Variants in DLC1 observed in about 807,000 individuals in gnomAD.
DLC1 encodes the protein rho GTPase-activating protein 7.
A neutral mutation model predicts 140.3 loss-of-function variants in DLC1; 54 were observed. The observed-to-expected ratio is 0.38, with a 90% CI of 0.31 to 0.48. The LOEUF is 0.48. Ranked by LOEUF, DLC1 falls within the 20% of genes least tolerant of loss-of-function variation. DLC1 has a pLI of 0.96. For missense variants in DLC1, 2,536 were observed against 1,907.0 expected (o/e 1.33, Z -6.14); for synonymous variants, 986 against 728.1 (o/e 1.35, Z -5.70).
chr8:13,413,496 A>G (rs570190344), intron 2 of DLC1, among the ~76,000 whole-genome samples: 206 of 107,164 alleles, frequency 1.9e-3, no homozygotes, highest in African/African-American at 5.8e-3. Context: ...GTGTGTGTGC[A>G]CACATATATA....
At chr8:13,181,950 C>A (rs567855124) in intron 5 of DLC1, among the ~76,000 whole-genome samples, 1 of 152,338 alleles carries the variant, frequency 6.6e-6, no homozygotes, top group South Asian at 2.1e-4. Context: ...TATACTCCCA[C>A]CAACAGTGTA....
intron 5 of DLC1, among the ~76,000 whole-genome samples, chr8:13,196,083 A>C (rs1471952664): frequency 1.5e-5 from 2 of 136,066 alleles, no homozygotes; most frequent in Non-Finnish European, 3.1e-5. Context: ...AATGCTCTAC[A>C]TTCTGTATTG....
At chr8:13,298,914 G>C (rs1204470589) in intron 5 of DLC1, among the ~76,000 whole-genome samples, 2 of 152,158 alleles carry the variant, frequency 1.3e-5, no homozygotes. Context: ...ATAATGCTTT[G>C]TTTTGCATGG....
chr8:13,545,901 G>A (rs993658129), intron 1 of DLC1, among the ~76,000 whole-genome samples: 2 of 152,008 alleles, frequency 1.3e-5, no homozygotes, highest in East Asian at 1.9e-4. Context: ...AGCCTATCAC[G>A]TTAAAAATTA....
intron 1 of DLC1, among the ~76,000 whole-genome samples, chr8:13,555,660 A>AT (rs551600787): frequency 0.034 from 4,833 of 140,322 alleles, 138 homozygotes; most frequent in African/African-American, 0.085. Flanking sequence ...CCTAGCTATT[A>AT]TTTTTTTTTT....
chr8:13,358,671 A>C (rs923239059), intron 4 of DLC1, among the ~76,000 whole-genome samples: 5 of 147,186 alleles, frequency 3.4e-5, no homozygotes, highest in Non-Finnish European at 7.5e-5. Context: ...AAAATATAAC[A>C]TTTCTGCTAA....
chr8:13,271,969 C>T (rs1182152383), intron 5 of DLC1, among the ~76,000 whole-genome samples: 1 of 152,210 alleles, frequency 6.6e-6, no homozygotes, highest in Non-Finnish European at 1.5e-5. Flanking sequence ...GCCACTGTAC[C>T]CAGGCTCTTA....
At chr8:13,394,318 A>G (rs747803801) in intron 3 of DLC1, among the ~76,000 whole-genome samples, 1 of 152,238 alleles carries the variant, frequency 6.6e-6, no homozygotes, top group African/African-American at 2.4e-5. Context: ...ATGGAGTTTC[A>G]TAAGCATAAA....
chr8:13,326,843 G>A (rs1356427933), intron 4 of DLC1, among the ~76,000 whole-genome samples: 1 of 152,228 alleles, frequency 6.6e-6, no homozygotes, highest in Non-Finnish European at 1.5e-5. Context: ...GAAGTACCGA[G>A]CTAGGAGAAC....
At position 13,396,895 on chromosome 8, in the gene DLC1, C is replaced by T. The variant is rs371938608; in HGVS notation, c.1174-3202G>A. Among the ~76,000 whole-genome samples, 8 of 152,092 alleles carry T rather than the reference C, an allele frequency of 5.3e-5. No homozygotes were observed. The East Asian group carries it at 5.8e-4, about 11-fold the overall frequency. On this transcript the variant is annotated intron_variant, in intron 3 of 17. Transcript: ENST00000276297. ...TAAGCAGACCAAGCAGTGAATAAAC[C>T]CTGGGTACTCATTACAACTGCCACT...
At chr8:13,159,811 C>G (rs1824540943) in intron 5 of DLC1, among the ~76,000 whole-genome samples, 1 of 143,400 alleles carries the variant, frequency 7.0e-6, no homozygotes, top group African/African-American at 2.6e-5. Context: ...TGGCAAGAAG[C>G]AAGAAGGTAA....
intron 2 of DLC1, among the ~76,000 whole-genome samples, chr8:13,448,708 A>G (rs1230921455): frequency 2.6e-5 from 4 of 152,164 alleles, no homozygotes; most frequent in Admixed American, 2.0e-4. Context: ...TTTTAAAATT[A>G]ATTCCATGTT....
At chr8:13,501,962 T>C (rs1801840619) in intron 1 of DLC1, among the ~76,000 whole-genome samples, 1 of 152,182 alleles carries the variant, frequency 6.6e-6, no homozygotes, top group Non-Finnish European at 1.5e-5. Flanking sequence ...TTTTATCCAG[T>C]GTAGAAAGAG....
chr8:13,559,703 A>C (rs1030792164), intron 1 of DLC1, among the ~76,000 whole-genome samples: 10 of 152,214 alleles, frequency 6.6e-5, no homozygotes, highest in African/African-American at 2.4e-4. Flanking sequence ...GTGAATTCCA[A>C]TTCTGTCATC....
rs866344342 is a variant in DLC1 at position 13,450,476 on chromosome 8, G to A, written c.1023+48573C>T. On this transcript the variant is annotated intron_variant, in intron 2 of 17. Coordinates refer to ENST00000276297, the MANE Select transcript of DLC1 (RefSeq NM_182643.3). ...TCAAAAAAAAAAAAAAAAAAAAAAAGGCCGAAGAGAAATTCTGCAGTTACA... is the reference window on the plus strand; with the variant it reads ...TCAAAAAAAAAAAAAAAAAAAAAAAAGCCGAAGAGAAATTCTGCAGTTACA... Among the ~76,000 whole-genome samples, 831 of 105,220 alleles carry A rather than the reference G, an allele frequency of 7.9e-3. 12 individuals are homozygous for A. Among genetic ancestry groups the A allele is most frequent in the African/African-American group, 0.026 (776 of 30,284 alleles). 69.0% of individuals were successfully genotyped at this position (105,220 alleles called of 152,430 possible).
At chr8:13,435,301 G>T (rs949789977) in intron 2 of DLC1, among the ~76,000 whole-genome samples, 1 of 152,072 alleles carries the variant, frequency 6.6e-6, no homozygotes, top group African/African-American at 2.4e-5. Context: ...AACCTGAATG[G>T]ATGAGGAGTT....
chr8:13,175,389 T>G (rs1825705214), intron 5 of DLC1, among the ~76,000 whole-genome samples: 1 of 151,880 alleles, frequency 6.6e-6, no homozygotes, highest in Admixed American at 6.6e-5. Flanking sequence ...TTTTTTCTAA[T>G]TTTGTGAAAA....
At chr8:13,259,512 G>A (rs1271151900) in intron 5 of DLC1, among the ~76,000 whole-genome samples, 2 of 152,086 alleles carry the variant, frequency 1.3e-5, no homozygotes, top group African/African-American at 4.8e-5. Context: ...TGGGGTGTGA[G>A]GAAGAAGAGC....
chr8:13,560,193 C>G (rs969930437), intron 1 of DLC1, among the ~76,000 whole-genome samples: 1 of 151,920 alleles, frequency 6.6e-6, no homozygotes. Flanking sequence ...TGAGTTTTAC[C>G]GGATACTCAG....
Sources: allele counts gnomAD v4.1 joint callset (sites outside exome capture counted in the v4.1 genomes callset), GRCh38; gene constraint gnomAD v4.1.1; transcripts MANE v1.5; gene names NCBI Gene and HGNC (gene_info 2026-07-23, HGNC 2026-07-21).